Variants in KIF24 observed in about 807,000 individuals in gnomAD.
The protein encoded by KIF24 is kinesin family member 24.
In KIF24, 81 loss-of-function variants were observed where a neutral mutation model predicts 118.9. The ratio of observed to expected loss-of-function variants is 0.68; its 90% CI spans 0.57 to 0.82. The LOEUF is 0.82. Among genes scored for constraint, KIF24 ranks in the 40% least tolerant of loss-of-function variants. The pLI is 0.00. For synonymous variants in KIF24, 599 were observed against 610.0 expected, an observed-to-expected ratio of 0.98 and a Z score of 0.27; for missense variants, 1,560 against 1,661.6, an observed-to-expected ratio of 0.94 and a Z score of 1.06.
At chr9:34,275,119 C>T (rs1459243214) in intron 6 of KIF24, among the ~76,000 whole-genome samples, 1 of 152,168 alleles carries the variant, frequency 6.6e-6, no homozygotes, top group African/African-American at 2.4e-5. Flanking sequence ...ATTGGCTGGG[C>T]ATGGTGGCTT....
Position 34,306,317 on chromosome 9 carries a change from C to T in KIF24, c.748G>A (p.Asp250Asn). ...TCATGCACAAGTAGAGTTTCTTTGT[C>T]TTCTACAGTAATAATATTAATTTCT... Reference protein sequence around the residue: ...RGEINIITVEDKETLLVHEKK... With the variant: ...RGEINIITVENKETLLVHEKK... Residue 250 changes from aspartate (D) to asparagine (N), a missense_variant, in exon 3 of 13, where the codon GAC becomes AAC. Asp to Asn is a conservative substitution (Grantham distance 23, BLOSUM62 1). Around this residue, in one of 3 missense-constraint regions of KIF24, gnomAD observed 964 missense variants for 988.0 expected, o/e 0.98. Coordinates refer to ENST00000402558, the MANE Select transcript of KIF24 (RefSeq NM_194313.4). The T allele has an allele frequency of 1.2e-6, 2 of 1,610,350 alleles. No homozygotes were observed. Among genetic ancestry groups the T allele is most frequent in the Non-Finnish European group, 1.7e-6 (2 of 1,176,706 alleles).
Position 34,257,022 on chromosome 9 carries a change from C to G in KIF24, c.2585G>C (p.Gly862Ala). ...TGCCACCTGCTTCTCAGGACCCTGT[C>G]CCCACGTCTGGTGCAGGAAGAATGA... ...EDSFFLHQTW[G>A]QGPEKQVAER... The change falls in exon 11 of 13, where the codon GGA becomes GCA. Residue 862 changes from glycine to alanine, a missense_variant. Coordinates refer to ENST00000402558, the MANE Select transcript of KIF24 (RefSeq NM_194313.4). 1 of 1,614,020 alleles carries G rather than the reference C, an allele frequency of 6.2e-7. No homozygotes were observed.
intron 2 of KIF24, among the ~76,000 whole-genome samples, chr9:34,307,362 G>A (rs1365222935): frequency 6.6e-6 from 1 of 150,790 alleles, no homozygotes; most frequent in Admixed American, 6.6e-5. Context: ...ATCACGCTCA[G>A]CCTGGAGAAT....
intron 6 of KIF24, among the ~76,000 whole-genome samples, chr9:34,286,260 C>T (rs902865841): frequency 6.6e-6 from 1 of 151,918 alleles, no homozygotes; most frequent in Non-Finnish European, 1.5e-5. Flanking sequence ...CTTGAACCCA[C>T]GAGGCAGAGG....
intron 5 of KIF24, 108 bp downstream of exon 5, chr9:34,290,066 A>C: frequency 1.5e-6 from 1 of 684,946 alleles, no homozygotes; most frequent in Non-Finnish European, 2.5e-6. Context: ...ACAAAAGGGC[A>C]CTAATGTACC....
chr9:34,321,994 TATA>T (rs375518714), intron 1 of KIF24, among the ~76,000 whole-genome samples: 7 of 152,318 alleles, frequency 4.6e-5, no homozygotes, highest in African/African-American at 1.7e-4. Context: ...TGATCTAGCC[TATA>T]ATATTTGGTC....
chr9:34,318,529 G>A lies in KIF24; in HGVS notation c.-25-7158C>T, dbSNP rs1378484899. On this transcript the variant is annotated intron_variant, in intron 1 of 12. Coordinates refer to ENST00000402558, the MANE Select transcript of KIF24 (RefSeq NM_194313.4). This position sits in a 1 kb window ranked among gnomAD's most constrained non-coding sequence, Gnocchi z 4.9. The stretch of plus-strand genomic sequence containing the variant: ...AGAAGCTGAGCCCCAAGGCAGCCAC[G>A]CTGGCCGAACACAGCGCCGGCCTGG... 12 of 993,730 alleles carry A rather than the reference G, an allele frequency of 1.2e-5. No homozygotes were observed. The highest frequency in any genetic ancestry group is 2.4e-4 in the Middle Eastern group (1 of 4,088). The allele number at this position is 993,730 out of a possible 1,614,324, so 61.6% of individuals were successfully genotyped here.
intron 4 of KIF24, among the ~76,000 whole-genome samples, chr9:34,292,712 G>C (rs931349955): frequency 5.3e-5 from 8 of 152,212 alleles, no homozygotes; most frequent in Non-Finnish European, 8.8e-5. Flanking sequence ...TTGGAGCAGA[G>C]ACCAGCTACT....
chr9:34,310,794 C>A lies in KIF24; in HGVS notation c.553G>T (p.Asp185Tyr), dbSNP rs1837107650. The A allele has an allele frequency of 6.2e-7, 1 of 1,610,810 alleles. No individual in the cohort carries two copies. Among genetic ancestry groups the A allele is most frequent in the Non-Finnish European group, 8.5e-7 (1 of 1,177,074 alleles). ...GAGATTCTTTGAATAATGGGAATATCACAATCCCCCAGTATTGCAGAAAGG... is the reference window on the plus strand; with the variant it reads ...GAGATTCTTTGAATAATGGGAATATAACAATCCCCCAGTATTGCAGAAAGG... ...NYLSAILGDC[D>Y]IPIIQRISHV... The change falls in exon 2 of 13, where the codon GAT becomes TAT. Residue 185 changes from aspartate (D) to tyrosine (Y), a missense_variant. Around this residue, in one of 3 missense-constraint regions of KIF24, gnomAD observed 964 missense variants for 988.0 expected, o/e 0.98. Coordinates refer to ENST00000402558, the MANE Select transcript of KIF24 (RefSeq NM_194313.4).
intron 3 of KIF24, among the ~76,000 whole-genome samples, chr9:34,303,786 T>C (rs1444408496): frequency 1.3e-5 from 2 of 151,968 alleles, no homozygotes; most frequent in Non-Finnish European, 2.9e-5. Flanking sequence ...GAGATGGAGG[T>C]AGCAGTGAGC....
rs760062967 is a variant in KIF24, at chr9:34,254,493, C to T, written c.3994G>A (p.Asp1332Asn). ...TTGGATTTCAGAACCATGATTTCAT[C>T]CAGCTGGGTCACAAAATCTTCAAAA... ...NDFEDFVTQL[D>N]EIMVLKSKCI... is the part of the protein sequence containing the mutation. Residue 1332 changes from aspartate (D) to asparagine (N), a missense_variant, in exon 13 of 13, where the codon GAT (aspartate) becomes AAT (asparagine). Transcript: ENST00000402558. 3 of 1,613,602 alleles carry T rather than the reference C, an allele frequency of 1.9e-6. No homozygotes were observed. Among genetic ancestry groups the T allele is most frequent in the African/African-American group, 2.7e-5 (2 of 74,916 alleles).
In KIF24 at chr9:34,310,713, A is replaced by C. The variant is rs1837104069; in HGVS notation, c.623+11T>G. 2 of 1,555,698 alleles carry C rather than the reference A, an allele frequency of 1.3e-6. No individual in the cohort carries two copies. The highest frequency in any genetic ancestry group is 4.5e-5 in the East Asian group (2 of 44,492). On this transcript the variant is annotated intron_variant, in intron 2 of 12. Transcript: ENST00000402558. ...CTTTCCCTCAAAAGAAAGAAAGATAAAATTTATTACCTGATACAAGAATGA... is the reference window on the plus strand; with the variant it reads ...CTTTCCCTCAAAAGAAAGAAAGATACAATTTATTACCTGATACAAGAATGA...
chr9:34,309,941 TATA>T (rs1445620242), intron 2 of KIF24, among the ~76,000 whole-genome samples: 1 of 150,402 alleles, frequency 6.6e-6, no homozygotes, highest in African/African-American at 2.4e-5. Flanking sequence ...AACTCACATA[TATA>T]ATGTTTAAAA....
chr9:34,280,480 C>T (rs1187214340), intron 6 of KIF24, among the ~76,000 whole-genome samples: 1 of 152,068 alleles, frequency 6.6e-6, no homozygotes, highest in Admixed American at 6.6e-5. Context: ...CCAGACTCAC[C>T]TGATGCTCCT....
intron 8 of KIF24, among the ~76,000 whole-genome samples, chr9:34,265,684 T>G (rs561813269): frequency 8.5e-5 from 13 of 152,182 alleles, no homozygotes; most frequent in Admixed American, 7.9e-4. Flanking sequence ...ATAAAAATCT[T>G]GAACTGAATT....
At chr9:34,333,524 C>T (rs1838003822), upstream of KIF24, among the ~76,000 whole-genome samples, 1 of 151,318 alleles carries the variant, frequency 6.6e-6, no homozygotes, top group Admixed American at 6.6e-5. Context: ...TCCTAGCTAC[C>T]CAGGAGGCTA....
rs1454766108 is a variant in KIF24 at position 34,259,671 on chromosome 9, G to A, written c.1550C>T (p.Thr517Ile). ...LKDSFIGNAKTCMIANISPSH... is the reference protein window; with the variant it reads ...LKDSFIGNAKICMIANISPSH... ...TGGTGAGATGTTGGCGATCATGCAG[G>A]TTTTGGCATTGCCGATGAAAGAGTC... Residue 517 changes from threonine (T) to isoleucine (I), a missense_variant, in exon 10 of 13, where the codon ACC becomes ATC. Transcript: ENST00000402558. 7 of 1,613,830 alleles carry A rather than the reference G, an allele frequency of 4.3e-6. No individual in the cohort carries two copies. The highest frequency in any genetic ancestry group is 1.1e-5 in the South Asian group (1 of 91,088).
intron 4 of KIF24, among the ~76,000 whole-genome samples, chr9:34,291,872 G>T (rs535044118): frequency 6.3e-4 from 96 of 151,858 alleles, no homozygotes; most frequent in Middle Eastern, 3.4e-3. Context: ...GAAAAGTCAA[G>T]CTGGGAAATG....
At chr9:34,262,134 G>A (rs1276434187) in intron 9 of KIF24, among the ~76,000 whole-genome samples, 2 of 152,080 alleles carry the variant, frequency 1.3e-5, no homozygotes, top group African/African-American at 4.8e-5. Flanking sequence ...TAGAAAGGTT[G>A]TTTGGGCTGG....
Sources: gnomAD v4.1 joint callset for allele counts (sites outside exome capture counted in the v4.1 genomes callset) on GRCh38, gnomAD v4.1.1 for gene constraint, gnomAD v4.1.1 regional missense constraint, Gnocchi (gnomAD v3.1) non-coding constraint, MANE v1.5 for transcripts, NCBI Gene and HGNC (gene_info 2026-07-23, HGNC 2026-07-21) for gene names.